NALCN: variants seen among roughly 807,000 people sequenced by gnomAD.
NALCN encodes sodium leak channel, non-selective, also known as sodium leak channel NALCN.
NALCN carries 111 observed loss-of-function variants against 225.3 expected under a neutral mutation model. The ratio of observed to expected loss-of-function variants is 0.49; its 90% confidence interval spans 0.42 to 0.58. The LOEUF (loss-of-function observed/expected upper bound fraction) is 0.58. Ranked by LOEUF, NALCN falls within the 20% of genes least tolerant of loss-of-function variation. NALCN has a pLI of 0.00. For synonymous variants in NALCN, 764 were observed against 769.0 expected (o/e 0.99, Z 0.11); for missense variants, 1,378 against 2,202.4 (o/e 0.63, Z 7.49).
chr13:101,055,447 G>T lies in NALCN; in HGVS notation c.5065C>A (p.Arg1689=). ...ISHSVSSVNL[R]FGGRTTMKSV... ...TTCATGGTTGTCCTTCCTCCAAACC[G>T]TAAGTTGACTGAGGACACTGAATGG... Residue 1689 remains arginine, a synonymous_variant, in exon 44 of 44, where the codon CGG becomes AGG. Coordinates refer to ENST00000251127, the MANE Select transcript of NALCN (RefSeq NM_052867.4). The T allele has an allele frequency of 6.2e-7, 1 of 1,614,062 alleles. No individual in the cohort carries two copies. Among genetic ancestry groups the T allele is most frequent in the Non-Finnish European group, 8.5e-7 (1 of 1,179,986 alleles).
intron 15 of NALCN, among the ~76,000 whole-genome samples, chr13:101,160,604 G>A (rs2038133272): frequency 6.6e-6 from 1 of 152,100 alleles, no homozygotes; most frequent in Non-Finnish European, 1.5e-5. Flanking sequence ...AAATCTCTCT[G>A]TAATATGCAG....
chr13:101,261,688 T>C (rs929558974), intron 10 of NALCN, among the ~76,000 whole-genome samples: 2 of 152,238 alleles, frequency 1.3e-5, no homozygotes, highest in African/African-American at 4.8e-5. Context: ...TTTTTGTATG[T>C]TGATTTTGTA....
At chr13:101,365,094 T>C (rs1285170311) in intron 6 of NALCN, among the ~76,000 whole-genome samples, 1 of 152,188 alleles carries the variant, frequency 6.6e-6, no homozygotes, top group Non-Finnish European at 1.5e-5. Flanking sequence ...GTTTGTTATA[T>C]AGGTAAACTG....
chr13:101,224,819 C>A (rs2041075981), intron 13 of NALCN, among the ~76,000 whole-genome samples: 1 of 152,066 alleles, frequency 6.6e-6, no homozygotes, highest in African/African-American at 2.4e-5. Flanking sequence ...CTACACACAC[C>A]CCCCTTTTAC....
chr13:101,321,045 T>A (rs1355233694), intron 7 of NALCN, among the ~76,000 whole-genome samples: 1 of 131,944 alleles, frequency 7.6e-6, no homozygotes, highest in African/African-American at 2.8e-5. Flanking sequence ...TTCTTGATTC[T>A]CTATTGCCCA....
chr13:101,158,589 C>T (rs954923476), intron 15 of NALCN, among the ~76,000 whole-genome samples: 10 of 152,326 alleles, frequency 6.6e-5, no homozygotes, highest in East Asian at 5.8e-4. Flanking sequence ...GTCTATGTCA[C>T]GCAAGGGCAG....
chr13:101,067,289 G>A (rs560765450), intron 39 of NALCN, among the ~76,000 whole-genome samples: 3 of 58,088 alleles, frequency 5.2e-5, no homozygotes, highest in Admixed American at 4.7e-4. Context: ...AGGGGGAAGA[G>A]GAGGGGGAAG....
intron 2 of NALCN, 135 bp from the exon 3 acceptor site, chr13:101,395,500 C>CTA (rs1274853003): frequency 9.2e-6 from 7 of 757,326 alleles, no homozygotes; most frequent in African/African-American, 2.0e-5. Flanking sequence ...AAGAAGAAAT[C>CTA]TAACACTAAG....
chr13:101,350,887 T>G (rs2045888311), intron 6 of NALCN, among the ~76,000 whole-genome samples: 1 of 152,202 alleles, frequency 6.6e-6, no homozygotes, highest in Admixed American at 6.5e-5. Context: ...TGCTGAAATT[T>G]CCAGGCTGCC....
chr13:101,136,277 A>T (rs187484017), intron 17 of NALCN, among the ~76,000 whole-genome samples: 173 of 146,116 alleles, frequency 1.2e-3, no homozygotes, highest in Admixed American at 4.1e-3. Context: ...GTTTGATTTT[A>T]TAGTACGCAT....
At chr13:101,136,344 G>A (rs1029919441) in intron 17 of NALCN, among the ~76,000 whole-genome samples, 4 of 150,182 alleles carry the variant, frequency 2.7e-5, no homozygotes, top group Non-Finnish European at 4.4e-5. Flanking sequence ...TAGGGTGCAT[G>A]TGCACAACGT....
At chr13:101,293,702 G>A (rs1373577686) in intron 7 of NALCN, among the ~76,000 whole-genome samples, 1 of 152,098 alleles carries the variant, frequency 6.6e-6, no homozygotes, top group East Asian at 1.9e-4. Context: ...AAACACCAAG[G>A]CATGCAGAAC....
In NALCN at chr13:101,112,424, A is replaced by G. The variant is rs530785690; in HGVS notation, c.2193-1198T>C. Among the ~76,000 whole-genome samples, 36 of 152,368 alleles carry G rather than the reference A, an allele frequency of 2.4e-4. No individual in the cohort carries two copies. The South Asian group carries it at 6.4e-3, about 27-fold the overall frequency. On this transcript the variant is annotated intron_variant, in intron 18 of 43. Coordinates refer to ENST00000251127, the MANE Select transcript of NALCN (RefSeq NM_052867.4). ...GTGTGAATGATTTTGGTGAGAAAAA[A>G]AAATTATTCTCCAGAAAATTTTCTC...
chr13:101,070,221 C>A (rs1345682939), intron 37 of NALCN, among the ~76,000 whole-genome samples: 1 of 152,140 alleles, frequency 6.6e-6, no homozygotes, highest in Non-Finnish European at 1.5e-5. Flanking sequence ...CGCCCACCAC[C>A]ATGCCCGGCT....
chr13:101,268,783 T>C (rs1332628122), intron 10 of NALCN, among the ~76,000 whole-genome samples: 1 of 152,196 alleles, frequency 6.6e-6, no homozygotes, highest in African/African-American at 2.4e-5. Context: ...ATTTAAAACA[T>C]GGGAAATTTT....
At chr13:101,331,893 A>G (rs1337737922) in intron 7 of NALCN, among the ~76,000 whole-genome samples, 1 of 152,128 alleles carries the variant, frequency 6.6e-6, no homozygotes, top group Non-Finnish European at 1.5e-5. Flanking sequence ...GCCCCCACAA[A>G]GCCCTGTTTC....
chr13:101,282,291 T>A (rs2043192579), intron 10 of NALCN, among the ~76,000 whole-genome samples: 1 of 152,066 alleles, frequency 6.6e-6, no homozygotes, highest in Non-Finnish European at 1.5e-5. Context: ...AAAAAAAATG[T>A]GGTATAGACA....
intron 11 of NALCN, among the ~76,000 whole-genome samples, chr13:101,257,427 A>T (rs1390810755): frequency 1.3e-5 from 2 of 152,166 alleles, no homozygotes; most frequent in Non-Finnish European, 2.9e-5. Context: ...CATGCAATCA[A>T]TTCTTTTTCA....
intron 26 of NALCN, among the ~76,000 whole-genome samples, chr13:101,102,176 G>C (rs1234311838): frequency 6.6e-6 from 1 of 151,980 alleles, no homozygotes; most frequent in South Asian, 2.1e-4. Flanking sequence ...TCAGCTACTT[G>C]GGAGGCTGAG....
Sources: allele counts gnomAD v4.1 joint callset (sites outside exome capture counted in the v4.1 genomes callset), GRCh38; gene constraint gnomAD v4.1.1; transcripts MANE v1.5; gene names NCBI Gene and HGNC (gene_info 2026-07-23, HGNC 2026-07-21).